ITGB2: variants seen among roughly 807,000 people sequenced by gnomAD.
ITGB2 encodes integrin beta-2.
In ITGB2, 56 loss-of-function variants were observed where a neutral mutation model predicts 86.8. The ratio of observed to expected loss-of-function variants is 0.65; its 90% CI spans 0.52 to 0.81. ITGB2 has a LOEUF of 0.81. Ranked by LOEUF, ITGB2 falls within the 30% of genes least tolerant of loss-of-function variation. The pLI, the probability that ITGB2 is intolerant of heterozygous loss-of-function variation, is 0.00. For missense variants in ITGB2, 948 were observed against 1,061.2 expected, an observed-to-expected ratio of 0.89 and a Z score of 1.48; for synonymous variants, 457 against 450.4, an observed-to-expected ratio of 1.01 and a Z score of -0.19.
chr21:44,886,955 C>T (rs1568878187), intron 14 of ITGB2, 53 bp from the exon 15 acceptor site: 10 of 1,603,162 alleles, frequency 6.2e-6, no homozygotes, highest in South Asian at 5.5e-5. Context: ...CTCACTGAGC[C>T]GTGTGCCCAC....
intron 12 of ITGB2, 123 bp from the exon 13 acceptor site, chr21:44,889,618 G>T: frequency 1.0e-6 from 1 of 991,982 alleles, no homozygotes; most frequent in Non-Finnish European, 1.5e-6. Context: ...ATGTTCCTGA[G>T]CAAAAGGCAT....
intron 1 of ITGB2, among the ~76,000 whole-genome samples, chr21:44,918,091 A>G (rs1216171017): frequency 2.0e-5 from 3 of 152,244 alleles, no homozygotes; most frequent in African/African-American, 7.2e-5. Flanking sequence ...GGTATCACCC[A>G]CAGCTCCATA....
At position 44,904,517 on chromosome 21, in the gene ITGB2, A is replaced by G. The variant is rs371004921; in HGVS notation, c.329-982T>C. 3.5e-4 allele frequency among the ~76,000 whole-genome samples: 53 copies of G among 151,524 alleles called. No homozygotes were observed. The South Asian group carries it at 9.4e-3, about 27-fold the overall frequency. ...ATATGCACACACACCACAAACACCA[A>G]CCACCACACATGCACGCATACACAC... On this transcript the variant is annotated intron_variant, in intron 4 of 15. Transcript: ENST00000652462.
chr21:44,928,383 T>C (rs781753964), intron 1 of ITGB2: 8 of 152,262 alleles, frequency 5.3e-5, no homozygotes, highest in Admixed American at 4.6e-4. Flanking sequence ...GAAACTGTAA[T>C]TCCAGTCCGT....
rs747649869 is a variant in ITGB2 at position 44,891,832 on chromosome 21, G to A, written c.1389C>T (p.Gly463=). 22 of 1,608,552 alleles carry A rather than the reference G, an allele frequency of 1.4e-5. 1 individual carries two copies. In the South Asian group the frequency reaches 2.0e-4, roughly 14 times the overall value. ...SRDRSLCHGK[G]FLECGICRCD... is the part of the protein sequence containing the mutation. The stretch of plus-strand genomic sequence containing the variant: ...ACCTGCAGATGCCGCACTCCAAGAA[G>A]CCCTTGCCATGGCAGAGGCTGCGGT... Residue 463 remains glycine (G), a synonymous_variant, in exon 11 of 16, where the codon GGC becomes GGT. Coordinates refer to ENST00000652462, the MANE Select transcript of ITGB2 (RefSeq NM_000211.5).
intron 1 of ITGB2, chr21:44,911,353 A>T (rs2084129588): frequency 6.0e-6 from 1 of 166,872 alleles, no homozygotes; most frequent in Non-Finnish European, 1.3e-5. Context: ...GTACACGCAC[A>T]CAAACACCAG....
Position 44,893,511 on chromosome 21 carries a change from C to G in ITGB2, c.1117G>C (p.Ala373Pro). 1 of 1,614,018 alleles carries G rather than the reference C, an allele frequency of 6.2e-7. No individual in the cohort carries two copies. Among genetic ancestry groups the G allele is most frequent in the Non-Finnish European group, 8.5e-7 (1 of 1,179,958 alleles). ...LSSRVFLDHN[A>P]LPDTLKVTYD... ...GTGACTTTCAGGGTGTCGGGGAGGG[C>G]GTTGTGATCCAGGAAGACCCTGGAG... is the stretch of plus-strand genomic sequence containing the variant. Residue 373 changes from alanine (A) to proline (P), a missense_variant, in exon 10 of 16, where the codon GCC becomes CCC. Physicochemically the swap from Ala to Pro is conservative, Grantham distance 27 (BLOSUM62 -1). Transcript: ENST00000652462.
chr21:44,928,208 C>A (rs1042781949), intron 1 of ITGB2: 1 of 152,218 alleles, frequency 6.6e-6, no homozygotes, highest in South Asian at 2.1e-4. Context: ...CACCTGTCAC[C>A]CCCTGTCCAG....
chr21:44,904,449 A>C (rs1568896266), intron 4 of ITGB2, among the ~76,000 whole-genome samples: 2 of 151,836 alleles, frequency 1.3e-5, no homozygotes, highest in Non-Finnish European at 2.9e-5. Flanking sequence ...ACGCACCCAC[A>C]TATACACGCA....
exon 1 of ITGB2, chr21:44,928,682 A>G (rs1366003496): frequency 6.0e-6 from 1 of 165,802 alleles, no homozygotes; most frequent in Non-Finnish European, 1.3e-5. Flanking sequence ...CTGGACTCGG[A>G]GTCCACTTGC....
At chr21:44,890,275 G>C in intron 11 of ITGB2, 53 bp from the exon 12 acceptor site, 1 of 1,609,064 alleles carries the variant, frequency 6.2e-7, no homozygotes, top group Non-Finnish European at 8.5e-7. Flanking sequence ...TGTGGGACAA[G>C]GGACAGCCGC....
chr21:44,915,945 T>A (rs777431581), intron 1 of ITGB2, among the ~76,000 whole-genome samples: 2 of 152,190 alleles, frequency 1.3e-5, no homozygotes, highest in Non-Finnish European at 2.9e-5. Flanking sequence ...TTTTTTGAGA[T>A]GGAGTCTCAC....
chr21:44,908,429 T>C lies in ITGB2; in HGVS notation c.148-1334A>G, dbSNP rs550076518. 2.6e-5 allele frequency among the ~76,000 whole-genome samples: 4 copies of C among 152,258 alleles called. No individual in the cohort carries two copies. The South Asian group carries it at 8.3e-4, about 32-fold the overall frequency. ...TATTATTATTATTATTATTAACCCC[T>C]GACCAAAACTACTGGTGTTATCTGT... On this transcript the variant is annotated intron_variant, in intron 3 of 15. Transcript: ENST00000652462.
chr21:44,893,420 ACG>A lies in ITGB2; in HGVS notation c.1206_1207del (p.Val403AlafsTer43). On this transcript the variant is annotated frameshift_variant, in exon 10 of 16. Transcript: ENST00000652462. LOFTEE classifies it high-confidence loss of function. ...CAGGCTCACCGGGACATTGATCTGC[ACG>A]CCATCACAGTCACCTCTGGGCTGGT... The A allele has an allele frequency of 6.2e-7, 1 of 1,614,008 alleles. No individual in the cohort carries two copies. The highest frequency in any genetic ancestry group is 8.5e-7 in the Non-Finnish European group (1 of 1,179,958).
At chr21:44,912,298 G>C (rs1414672819) in intron 1 of ITGB2, among the ~76,000 whole-genome samples, 1 of 151,990 alleles carries the variant, frequency 6.6e-6, no homozygotes, top group Admixed American at 6.5e-5. Context: ...CGGGAGGCTC[G>C]GGTGCCCTCA....
At chr21:44,892,741 AAAAC>A (rs1410931542) in intron 10 of ITGB2, among the ~76,000 whole-genome samples, 1 of 150,508 alleles carries the variant, frequency 6.6e-6, no homozygotes, top group Non-Finnish European at 1.5e-5. Context: ...AGCAAAAAAA[AAAAC>A]AAAAAACAAA....
intron 15 of ITGB2, 39 bp downstream of exon 15, chr21:44,886,697 G>T (rs765530454): frequency 6.2e-7 from 1 of 1,612,864 alleles, no homozygotes; most frequent in South Asian, 1.1e-5. Context: ...TGGGACGCAC[G>T]TGCCCCTCTG....
At chr21:44,905,905 C>G (rs1048313489) in intron 4 of ITGB2, among the ~76,000 whole-genome samples, 7 of 152,170 alleles carry the variant, frequency 4.6e-5, no homozygotes, top group Non-Finnish European at 7.4e-5. Flanking sequence ...CCTGGGCTTC[C>G]CCTGAGGGCA....
chr21:44,909,053 G>A (rs896072217), intron 3 of ITGB2, among the ~76,000 whole-genome samples: 2 of 152,214 alleles, frequency 1.3e-5, no homozygotes, highest in East Asian at 3.8e-4. Context: ...GGCAGGCGGG[G>A]ACCAGCACGG....
Sources: gnomAD v4.1 joint callset for allele counts (sites outside exome capture counted in the v4.1 genomes callset) on GRCh38, gnomAD v4.1.1 for gene constraint, MANE v1.5 for transcripts, NCBI Gene and HGNC (gene_info 2026-07-23, HGNC 2026-07-21) for gene names.